Variants in GABRG3 observed in about 807,000 individuals in gnomAD.
The protein encoded by GABRG3 is gamma-aminobutyric acid type A receptor subunit gamma3, also known as gamma-aminobutyric acid receptor subunit gamma-3.
GABRG3 carries 25 observed loss-of-function variants against 48.8 expected under a neutral mutation model. That is an observed-to-expected ratio of 0.51 (90% confidence interval 0.37 to 0.72). GABRG3 has a LOEUF of 0.72. Among genes scored for constraint, GABRG3 ranks in the 30% least tolerant of loss-of-function variants. GABRG3 has a pLI of 0.00. For synonymous variants in GABRG3, 227 were observed against 217.6 expected, an observed-to-expected ratio of 1.04 and a Z score of -0.38; for missense variants, 394 against 577.9, an observed-to-expected ratio of 0.68 and a Z score of 3.26.
chr15:27,077,224 GGTATCACTGT>G (rs1339236090), intron 3 of GABRG3, among the ~76,000 whole-genome samples: 2 of 152,100 alleles, frequency 1.3e-5, no homozygotes, highest in Non-Finnish European at 2.9e-5. Flanking sequence ...AGCCTCTCTG[GGTATCACTGT>G]GTTGCAGCGC....
intron 6 of GABRG3, 96 bp downstream of exon 6, chr15:27,480,883 C>T: frequency 6.7e-7 from 1 of 1,494,038 alleles, no homozygotes; most frequent in Non-Finnish European, 8.9e-7. Flanking sequence ...TTTGGGCAAC[C>T]ATGATACATA....
chr15:27,189,352 A>G (rs936791821), intron 3 of GABRG3, among the ~76,000 whole-genome samples: 4 of 152,106 alleles, frequency 2.6e-5, no homozygotes, highest in African/African-American at 7.2e-5. Context: ...GATTCTTCCT[A>G]CCCATGAGCA....
At chr15:27,361,949 C>G (rs1157009175) in intron 5 of GABRG3, among the ~76,000 whole-genome samples, 1 of 151,866 alleles carries the variant, frequency 6.6e-6, no homozygotes, top group Non-Finnish European at 1.5e-5. Context: ...TGATAAACCT[C>G]CTTTTTATTC....
intron 5 of GABRG3, among the ~76,000 whole-genome samples, chr15:27,376,216 A>G (rs1253989884): frequency 6.6e-6 from 1 of 152,208 alleles, no homozygotes; most frequent in Non-Finnish European, 1.5e-5. Flanking sequence ...GTAGACTCCC[A>G]TGGCTTGGGT....
rs537794137 is a variant in GABRG3 at position 27,153,074 on chromosome 15, G to A, written c.270+126253G>A. On this transcript the variant is annotated intron_variant, in intron 3 of 9. Transcript: ENST00000615808. ...ACGGGGTTTCACAGAGTTAGACCAGGATGGTCTCGATCTCCTGACCTTGTG... is the reference window on the plus strand; with the variant it reads ...ACGGGGTTTCACAGAGTTAGACCAGAATGGTCTCGATCTCCTGACCTTGTG... Among the ~76,000 whole-genome samples the A allele has an allele frequency of 3.1e-4, 47 of 152,148 alleles. No homozygotes were observed. In the East Asian group the frequency reaches 6.8e-3, roughly 22 times the overall value.
At chr15:27,111,511 G>A (rs768662711) in intron 3 of GABRG3, among the ~76,000 whole-genome samples, 1 of 152,182 alleles carries the variant, frequency 6.6e-6, no homozygotes, top group African/African-American at 2.4e-5. Flanking sequence ...TGTAGGGTGA[G>A]GTTTCTCGCT....
chr15:27,536,906 T>G lies in GABRG3; in HGVS notation c.*4025T>G, dbSNP rs890379931. The G allele has an allele frequency of 6.6e-6, 1 of 152,140 alleles. No individual in the cohort carries two copies. Among genetic ancestry groups the G allele is most frequent in the African/African-American group, 2.4e-5 (1 of 41,432 alleles). 9.4% of individuals were successfully genotyped at this position (152,140 alleles called of 1,614,324 possible). On this transcript the variant is annotated 3_prime_UTR_variant, in exon 10 of 10. Transcript: ENST00000615808. ...ACAAAACCTCTTCTTCCTTGATCAT[T>G]TTTATCTCAGCTGCCAAAATGGAAA...
intron 5 of GABRG3, among the ~76,000 whole-genome samples, chr15:27,463,309 G>A (rs1889504798): frequency 6.6e-6 from 1 of 152,154 alleles, no homozygotes; most frequent in South Asian, 2.1e-4. Flanking sequence ...AGTACTATAA[G>A]ATAGGCATAT....
intron 3 of GABRG3, among the ~76,000 whole-genome samples, chr15:27,221,049 C>T (rs986503214): frequency 4.6e-5 from 7 of 151,268 alleles, no homozygotes; most frequent in African/African-American, 7.3e-5. Flanking sequence ...CCTTAATAAA[C>T]AAGATTCAGG....
At chr15:27,003,885 G>A (rs1252721698) in intron 2 of GABRG3, among the ~76,000 whole-genome samples, 3 of 143,158 alleles carry the variant, frequency 2.1e-5, no homozygotes, top group Admixed American at 6.8e-5. Context: ...CAGACGGGGC[G>A]GCTGGCCGGG....
intron 3 of GABRG3, among the ~76,000 whole-genome samples, chr15:27,056,617 C>T (rs914594629): frequency 1.6e-4 from 24 of 152,052 alleles, no homozygotes; most frequent in East Asian, 7.8e-4. Context: ...AAGCCTCCGC[C>T]GGAAGGAGCT....
rs139970225 is a variant in GABRG3, at chr15:27,373,465, T to C, written c.574+44577T>C. The stretch of plus-strand genomic sequence containing the variant: ...TAAACCACAATCTTCCAGGCTATCT[T>C]TTCTGCCAGACAGAAATTATTTGGA... On this transcript the variant is annotated intron_variant, in intron 5 of 9. Coordinates refer to ENST00000615808, the MANE Select transcript of GABRG3 (RefSeq NM_033223.5). Among the ~76,000 whole-genome samples the C allele has an allele frequency of 7.8e-3, 1,193 of 152,278 alleles. 14 individuals carry two copies. Among genetic ancestry groups the C allele is most frequent in the African/African-American group, 0.027 (1,108 of 41,532 alleles).
chr15:27,077,850 A>G (rs1896934278), intron 3 of GABRG3, among the ~76,000 whole-genome samples: 1 of 152,176 alleles, frequency 6.6e-6, no homozygotes, highest in African/African-American at 2.4e-5. Flanking sequence ...TAGCACTAAG[A>G]TTGGGCCACT....
chr15:27,535,524 A>G lies in GABRG3; in HGVS notation c.*2643A>G, dbSNP rs942515449. 9 of 152,200 alleles carry G rather than the reference A, an allele frequency of 5.9e-5. No homozygotes were observed. Among genetic ancestry groups the G allele is most frequent in the Non-Finnish European group, 8.8e-5 (6 of 68,042 alleles). 9.4% of individuals were successfully genotyped at this position (152,200 alleles called of 1,614,324 possible). ...ATGAGTTCAGCGCTCCTTTTCTAGG[A>G]AGGAGAACCTTCATCTCAAGAAAGT... On this transcript the variant is annotated 3_prime_UTR_variant, in exon 10 of 10. Transcript: ENST00000615808.
In GABRG3 at chr15:27,145,622, T is replaced by TATCTATCTATC. The variant is rs1555406016; in HGVS notation, c.270+118802_270+118812dup. On this transcript the variant is annotated intron_variant, in intron 3 of 9. Transcript: ENST00000615808. ...ATCTATCTCTATCTATCTATCTATC[T>TATCTATCTATC]ATCTATCTATCTATCTATCTATCTA... 2.9e-4 allele frequency among the ~76,000 whole-genome samples: 42 copies of TATCTATCTATC among 144,898 alleles called. 1 individual carries two copies. Among genetic ancestry groups the TATCTATCTATC allele is most frequent in the East Asian group, 4.0e-4 (2 of 5,046 alleles).
chr15:27,284,660 A>T (rs1399089570), intron 3 of GABRG3, among the ~76,000 whole-genome samples: 1 of 152,180 alleles, frequency 6.6e-6, no homozygotes, highest in African/African-American at 2.4e-5. Flanking sequence ...CAGAGTCCAG[A>T]TAAGCAAGAT....
chr15:27,479,555 A>G (rs1890045297), intron 5 of GABRG3, among the ~76,000 whole-genome samples: 1 of 152,252 alleles, frequency 6.6e-6, no homozygotes, highest in South Asian at 2.1e-4. Context: ...TTGCAAACTG[A>G]TTTAAATGTT....
At chr15:27,355,790 A>G (rs940189827) in intron 5 of GABRG3, among the ~76,000 whole-genome samples, 2 of 152,238 alleles carry the variant, frequency 1.3e-5, no homozygotes, top group Non-Finnish European at 2.9e-5. Flanking sequence ...CTTCAGCCTT[A>G]AAATGGAAGG....
chr15:27,503,205 G>C (rs1436979405), intron 6 of GABRG3, among the ~76,000 whole-genome samples: 1 of 152,192 alleles, frequency 6.6e-6, no homozygotes, highest in Non-Finnish European at 1.5e-5. Flanking sequence ...GGCATCACCT[G>C]GGAGATGCCA....
Sources: gnomAD v4.1 joint callset for allele counts (sites outside exome capture counted in the v4.1 genomes callset) on GRCh38, gnomAD v4.1.1 for gene constraint, MANE v1.5 for transcripts, NCBI Gene and HGNC (gene_info 2026-07-23, HGNC 2026-07-21) for gene names.